The following SRRM4 variants were observed in gnomAD, a reference collection of about 807,000 sequenced individuals.
SRRM4 encodes serine/arginine repetitive matrix 4.
A neutral mutation model predicts 68.9 loss-of-function variants in SRRM4; 33 were observed. The observed-to-expected ratio is 0.48, with a 90% CI of 0.36 to 0.64. The LOEUF is 0.64. Ranked by LOEUF, SRRM4 falls within the 30% of genes least tolerant of loss-of-function variation. The probability of loss-of-function intolerance (pLI) is 0.00; values close to 1 mark genes in which losing one functional copy is unlikely to be tolerated. For synonymous variants in SRRM4, 318 were observed against 318.8 expected, an observed-to-expected ratio of 1.00 and a Z score of 0.03; for missense variants, 817 against 827.1, an observed-to-expected ratio of 0.99 and a Z score of 0.15.
intron 1 of SRRM4, among the ~76,000 whole-genome samples, chr12:119,045,647 C>T (rs182132122): frequency 1.1e-4 from 17 of 152,170 alleles, no homozygotes; most frequent in Admixed American, 5.2e-4. Context: ...TCATCAGCAC[C>T]GTGTGACTTT....
At chr12:119,064,442 T>C (rs1448638113) in intron 1 of SRRM4, among the ~76,000 whole-genome samples, 1 of 152,196 alleles carries the variant, frequency 6.6e-6, no homozygotes, top group African/African-American at 2.4e-5. Flanking sequence ...GTGATGGCAC[T>C]GGAGTATGAA....
intron 1 of SRRM4, among the ~76,000 whole-genome samples, chr12:119,070,185 C>T (rs1315071569): frequency 6.7e-6 from 1 of 150,282 alleles, no homozygotes; most frequent in Non-Finnish European, 1.5e-5. Context: ...TTTGCAGCCA[C>T]CTTCCTTCCA....
intron 9 of SRRM4, 65 bp downstream of exon 9, chr12:119,145,750 T>G (rs1361929445): frequency 1.5e-6 from 2 of 1,329,714 alleles, no homozygotes; most frequent in East Asian, 5.6e-5. Context: ...TCTCATGCTC[T>G]CATCCCAGCC....
At chr12:118,984,338 G>A (rs2135986463) in intron 1 of SRRM4, among the ~76,000 whole-genome samples, 1 of 152,262 alleles carries the variant, frequency 6.6e-6, no homozygotes, top group Middle Eastern at 3.4e-3. Flanking sequence ...AGAGGCATTG[G>A]CACAATATCA....
chr12:119,082,469 G>A (rs1232047467), intron 1 of SRRM4, among the ~76,000 whole-genome samples: 2 of 152,174 alleles, frequency 1.3e-5, no homozygotes, highest in Non-Finnish European at 2.9e-5. Context: ...GAATGTGCTC[G>A]TGATTTCCCC....
chr12:119,005,253 C>T (rs1953409261), intron 1 of SRRM4, among the ~76,000 whole-genome samples: 1 of 152,104 alleles, frequency 6.6e-6, no homozygotes, highest in African/African-American at 2.4e-5. Context: ...CGGAAGGGGC[C>T]CCATTTTATA....
At chr12:119,084,365 G>T (rs1858737200) in intron 1 of SRRM4, among the ~76,000 whole-genome samples, 1 of 152,180 alleles carries the variant, frequency 6.6e-6, no homozygotes, top group African/African-American at 2.4e-5. Context: ...CAGGATATGA[G>T]GACTAGAGTC....
chr12:119,073,947 C>T (rs1340810094), intron 1 of SRRM4, among the ~76,000 whole-genome samples: 1 of 152,144 alleles, frequency 6.6e-6, no homozygotes, highest in Admixed American at 6.5e-5. Context: ...CTCTACTTCT[C>T]ATCTGAAAAC....
In SRRM4 at chr12:119,155,057, C is replaced by T. The variant is rs554456217; in HGVS notation, c.1532+674C>T. On this transcript the variant is annotated intron_variant, in intron 12 of 12. Transcript: ENST00000267260. Reference sequence around the variant, plus strand: ...ATGAGATATTGGAAGAAATAACTCCCAGAAGCATGAGGATGAAATGAAAAG... The same window carrying T: ...ATGAGATATTGGAAGAAATAACTCCTAGAAGCATGAGGATGAAATGAAAAG... 7.2e-5 allele frequency among the ~76,000 whole-genome samples: 11 copies of T among 152,268 alleles called. No homozygotes were observed. In the South Asian group the frequency reaches 1.5e-3, roughly 20 times the overall value.
chr12:119,115,029 G>A (rs1954169628), intron 3 of SRRM4, among the ~76,000 whole-genome samples: 2 of 151,616 alleles, frequency 1.3e-5, no homozygotes, highest in Admixed American at 1.3e-4. Context: ...CAGAGGACTA[G>A]ACTAGGCACC....
chr12:119,018,957 G>C (rs577511799), intron 1 of SRRM4, among the ~76,000 whole-genome samples: 92 of 152,228 alleles, frequency 6.0e-4, no homozygotes, highest in Non-Finnish European at 1.2e-3. Flanking sequence ...AGAATAATTT[G>C]GTTGCAAAAA....
intron 2 of SRRM4, among the ~76,000 whole-genome samples, chr12:119,107,477 A>T (rs1409075387): frequency 6.6e-6 from 1 of 152,194 alleles, no homozygotes; most frequent in East Asian, 1.9e-4. Context: ...TAGGTTATTA[A>T]TTATTGCCTC....
At position 119,160,293 on chromosome 12, in the gene SRRM4, C is replaced by CTCTCTCTCTCTCTCTCTG. The variant is rs1954504370; in HGVS notation, c.*3512_*3513insGTCTCTCTCTCTCTCTCT. On this transcript the variant is annotated 3_prime_UTR_variant, in exon 13 of 13. Coordinates refer to ENST00000267260, the MANE Select transcript of SRRM4 (RefSeq NM_194286.4). ...TCTCTCTCTGTCTCTCTCTCTGTCT[C>CTCTCTCTCTCTCTCTCTG]TCTCTCTCTCTCTCTCTCTCTCTCT... 2 of 37,562 alleles carry CTCTCTCTCTCTCTCTCTG rather than the reference C, an allele frequency of 5.3e-5. No individual in the cohort carries two copies. Among genetic ancestry groups the CTCTCTCTCTCTCTCTCTG allele is most frequent in the African/African-American group, 3.2e-4 (2 of 6,236 alleles). 2.3% of individuals were successfully genotyped at this position (37,562 alleles called of 1,614,324 possible).
At position 119,156,603 on chromosome 12, in the gene SRRM4, C is replaced by T. The variant is rs1011097661; in HGVS notation, c.1641C>T (p.Arg547=). Residue 547 remains arginine, a synonymous_variant, in exon 13 of 13, where the codon CGC becomes CGT. Transcript: ENST00000267260. ...GCAGCAGTAGCCGCTCGGCCAGCCGCAGCTACTCCCGGAGCCGGAGTCGGA... is the reference window on the plus strand; with the variant it reads ...GCAGCAGTAGCCGCTCGGCCAGCCGTAGCTACTCCCGGAGCCGGAGTCGGA... ...YSSSSSRSAS[R]SYSRSRSRSR... 9.3e-6 allele frequency: 15 copies of T among 1,610,824 alleles called. No homozygotes were observed. The highest frequency in any genetic ancestry group is 1.3e-5 in the Non-Finnish European group (15 of 1,179,556).
At chr12:119,138,112 G>A (rs2555278) in intron 8 of SRRM4, among the ~76,000 whole-genome samples, 19,930 of 152,096 alleles carry the variant, frequency 0.13, 1,434 homozygotes, top group Middle Eastern at 0.17. Context: ...CATCTAAAAG[G>A]GGCAGCTGTA....
intron 1 of SRRM4, among the ~76,000 whole-genome samples, chr12:119,014,294 G>A (rs763554337): frequency 1.4e-4 from 21 of 151,992 alleles, no homozygotes; most frequent in Non-Finnish European, 2.9e-4. Flanking sequence ...TGTTTCCGAT[G>A]AGTACAGAGA....
chr12:119,136,189 G>T (rs1314745284), intron 8 of SRRM4, among the ~76,000 whole-genome samples: 1 of 152,112 alleles, frequency 6.6e-6, no homozygotes, highest in Non-Finnish European at 1.5e-5. Flanking sequence ...ATCCAAGATC[G>T]CAGGTGAACT....
intron 2 of SRRM4, among the ~76,000 whole-genome samples, chr12:119,103,563 A>G (rs949274356): frequency 8.5e-5 from 13 of 152,210 alleles, no homozygotes; most frequent in African/African-American, 3.1e-4. Flanking sequence ...TCAAAGAGAG[A>G]GAAACAGTTA....
intron 1 of SRRM4, among the ~76,000 whole-genome samples, chr12:119,063,802 G>T (rs1419928435): frequency 6.6e-6 from 1 of 152,076 alleles, no homozygotes; most frequent in Admixed American, 6.5e-5. Flanking sequence ...AGTAAATAAA[G>T]AATACCATCA....
Sources: allele counts gnomAD v4.1 joint callset (sites outside exome capture counted in the v4.1 genomes callset), GRCh38; gene constraint gnomAD v4.1.1; transcripts MANE v1.5; gene names NCBI Gene and HGNC (gene_info 2026-07-23, HGNC 2026-07-21).